Variants in KYAT3 observed in about 807,000 individuals in gnomAD.
KYAT3 encodes kynurenine aminotransferase 3.
A neutral mutation model predicts 59.0 loss-of-function variants in KYAT3; 50 were observed. The observed-to-expected ratio is 0.85, with a 90% CI of 0.68 to 1.07. KYAT3 has a LOEUF of 1.07. Among genes scored for constraint, KYAT3 ranks in the 50% least tolerant of loss-of-function variants. The pLI is 0.00. For synonymous variants in KYAT3, 148 were observed against 177.0 expected, an observed-to-expected ratio of 0.84 and a Z score of 1.30; for missense variants, 497 against 533.3, an observed-to-expected ratio of 0.93 and a Z score of 0.67.
intron 8 of KYAT3, among the ~76,000 whole-genome samples, chr1:88,955,772 T>C (rs1675887422): frequency 6.6e-6 from 1 of 152,196 alleles, no homozygotes; most frequent in Admixed American, 6.5e-5. Flanking sequence ...CTGGGCCTCA[T>C]CCCAGACCTA....
Position 88,983,952 on chromosome 1 carries a change from C to T in KYAT3, c.99+4300G>A. On this transcript the variant is annotated intron_variant, in intron 2 of 13. Transcript: ENST00000260508. ...CAGTTAGGAGGACTGAACCGCGAAG[C>T]CGCTAGCACTACTGCGCAATCTGGA... is the stretch of plus-strand genomic sequence containing the variant. 6 of 1,071,174 alleles carry T rather than the reference C, an allele frequency of 5.6e-6. No homozygotes were observed. The South Asian group carries it at 6.7e-5, about 12-fold the overall frequency. The allele number at this position is 1,071,174 out of a possible 1,614,324, so 66.4% of individuals were successfully genotyped here.
At chr1:88,946,748 A>C (rs1320385894) in intron 11 of KYAT3, among the ~76,000 whole-genome samples, 1 of 152,178 alleles carries the variant, frequency 6.6e-6, no homozygotes, top group Non-Finnish European at 1.5e-5. Context: ...AGTCTAGAAC[A>C]CCTTAAGAGG....
the KYAT3 span, among the ~76,000 whole-genome samples, chr1:88,928,443 G>A: frequency 6.6e-6 from 1 of 152,154 alleles, no homozygotes; most frequent in Non-Finnish European, 1.5e-5. Flanking sequence ...GGAGGCTCTG[G>A]AAAAGAGAAA....
At chr1:88,991,394 G>A (rs576815444) in intron 1 of KYAT3, among the ~76,000 whole-genome samples, 1 of 152,324 alleles carries the variant, frequency 6.6e-6, no homozygotes, top group South Asian at 2.1e-4. Context: ...AGATTAACAT[G>A]AGGCAAAAAG....
chr1:88,949,380 G>T, intron 10 of KYAT3, 103 bp from the exon 11 acceptor site: 1 of 773,700 alleles, frequency 1.3e-6, no homozygotes, highest in Non-Finnish European at 1.9e-6. Context: ...AAAATTATTG[G>T]CAAAGAAGTC....
chr1:88,943,256 T>C (rs1367580433), intron 12 of KYAT3, 94 bp downstream of exon 12: 11 of 995,868 alleles, frequency 1.1e-5, no homozygotes, highest in Non-Finnish European at 1.7e-5. Flanking sequence ...TATAACAACA[T>C]TACATTTGAT....
intron 13 of KYAT3, 54 bp from the exon 14 acceptor site, chr1:88,936,299 G>C: frequency 8.1e-7 from 1 of 1,228,884 alleles, no homozygotes; most frequent in Non-Finnish European, 1.2e-6. Context: ...AATTCAAGAT[G>C]AAGCAAAGAT....
chr1:88,961,997 G>T, intron 6 of KYAT3, 62 bp downstream of exon 6: 1 of 1,093,058 alleles, frequency 9.1e-7, no homozygotes, highest in Non-Finnish European at 1.4e-6. Flanking sequence ...CAAAGTAATT[G>T]GTATTTTCAA....
intron 2 of KYAT3, among the ~76,000 whole-genome samples, chr1:88,978,180 C>T (rs1676887112): frequency 6.6e-6 from 1 of 152,064 alleles, no homozygotes; most frequent in Non-Finnish European, 1.5e-5. Flanking sequence ...TAATTCATTC[C>T]TTAGCACTTG....
intron 2 of KYAT3, among the ~76,000 whole-genome samples, chr1:88,974,856 C>G (rs180969457): frequency 7.1e-4 from 108 of 151,854 alleles, no homozygotes; most frequent in African/African-American, 2.4e-3. Context: ...GTAAAATGGA[C>G]CAATCAGCAC....
chr1:88,984,203 G>GTTTTTT (rs1557707537), intron 2 of KYAT3: 3 of 98,324 alleles, frequency 3.1e-5, no homozygotes, highest in Admixed American at 9.5e-5. Flanking sequence ...TTTTTTTGTT[G>GTTTTTT]CTTTTTTTTT....
intron 2 of KYAT3, among the ~76,000 whole-genome samples, chr1:88,977,217 T>C (rs1470505176): frequency 6.6e-6 from 1 of 152,120 alleles, no homozygotes; most frequent in African/African-American, 2.4e-5. Flanking sequence ...TTTTATTTTT[T>C]TGAGACGACG....
chr1:88,977,204 G>GT (rs1274391877), intron 2 of KYAT3, among the ~76,000 whole-genome samples: 1 of 151,616 alleles, frequency 6.6e-6, no homozygotes. Flanking sequence ...AAAAAAAATT[G>GT]ATTTTTATTT....
chr1:88,985,354 C>T (rs1677392207), intron 2 of KYAT3, among the ~76,000 whole-genome samples: 1 of 152,152 alleles, frequency 6.6e-6, no homozygotes, highest in Non-Finnish European at 1.5e-5. Context: ...TCAGGCTGAA[C>T]CAATCAAGAC....
chr1:88,922,560 A>G, the KYAT3 span, among the ~76,000 whole-genome samples: 1 of 152,178 alleles, frequency 6.6e-6, no homozygotes, highest in South Asian at 2.1e-4. Context: ...TGAACTGTGC[A>G]TGCGAAGGAT....
chr1:88,946,607 G>A (rs1570779175), intron 11 of KYAT3, among the ~76,000 whole-genome samples: 3 of 152,262 alleles, frequency 2.0e-5, no homozygotes, highest in African/African-American at 7.2e-5. Context: ...TAATTCATAT[G>A]GAAATCTTGG....
intron 2 of KYAT3, among the ~76,000 whole-genome samples, chr1:88,985,714 A>T (rs1212356408): frequency 6.6e-6 from 1 of 152,186 alleles, no homozygotes; most frequent in Non-Finnish European, 1.5e-5. Context: ...CAAAGCCATA[A>T]GCAGAAAAAT....
intron 2 of KYAT3, among the ~76,000 whole-genome samples, chr1:88,970,669 T>C (rs1676523701): frequency 6.6e-6 from 1 of 152,210 alleles, no homozygotes; most frequent in South Asian, 2.1e-4. Flanking sequence ...TCACATAGCA[T>C]ACAATTTTTT....
At chr1:88,941,498 G>T (rs547959405) in intron 13 of KYAT3, among the ~76,000 whole-genome samples, 1 of 151,606 alleles carries the variant, frequency 6.6e-6, no homozygotes, top group South Asian at 2.1e-4. Context: ...ATTTTTAAAG[G>T]CTATTTTCCT....
Sources: allele counts gnomAD v4.1 joint callset (sites outside exome capture counted in the v4.1 genomes callset), GRCh38; gene constraint gnomAD v4.1.1; transcripts MANE v1.5; gene names NCBI Gene and HGNC (gene_info 2026-07-23, HGNC 2026-07-21).